Variants in TK2 observed in about 807,000 individuals in gnomAD.
TK2 encodes thymidine kinase 2.
Under a neutral mutation model 41.9 loss-of-function variants are expected in TK2, and 35 were observed. The observed-to-expected ratio is 0.84, with a 90% confidence interval of 0.64 to 1.11. The LOEUF is 1.11. Among genes scored for constraint, TK2 ranks in the 50% least tolerant of loss-of-function variants. The pLI, the probability that TK2 is intolerant of heterozygous loss-of-function variation, is 0.00. For missense variants in TK2, 320 were observed against 351.1 expected, an observed-to-expected ratio of 0.91 and a Z score of 0.71; for synonymous variants, 128 against 129.1, an observed-to-expected ratio of 0.99 and a Z score of 0.06.
At chr16:66,529,722 G>C (rs1965050161) in intron 5 of TK2, among the ~76,000 whole-genome samples, 1 of 152,150 alleles carries the variant, frequency 6.6e-6, no homozygotes, top group Non-Finnish European at 1.5e-5. Flanking sequence ...ACTCTCACTT[G>C]GCCATGGCCC....
intron 1 of TK2, 162 bp downstream of exon 1, chr16:66,549,776 C>CG: frequency 7.8e-7 from 1 of 1,280,580 alleles, no homozygotes; most frequent in Non-Finnish European, 9.8e-7. Context: ...GTCTCGCGCC[C>CG]GGGTAACGGC....
chr16:66,522,838 T>C (rs1206066625), intron 6 of TK2, among the ~76,000 whole-genome samples: 1 of 152,124 alleles, frequency 6.6e-6, no homozygotes, highest in East Asian at 1.9e-4. Context: ...CACTCCAGCC[T>C]GGGCAATAAC....
intron 6 of TK2, among the ~76,000 whole-genome samples, chr16:66,527,480 G>T (rs1199166684): frequency 6.6e-6 from 1 of 152,158 alleles, no homozygotes; most frequent in Non-Finnish European, 1.5e-5. Flanking sequence ...ACAGCCACAG[G>T]TCCCCTCATC....
At chr16:66,528,097 C>G (rs37176) in intron 6 of TK2, among the ~76,000 whole-genome samples, 104,995 of 152,094 alleles carry the variant, frequency 0.69, 37,602 homozygotes, top group African/African-American at 0.9. Context: ...ATCTAGACAG[C>G]GTGGTCGGGG....
chr16:66,534,007 C>CAAAAAA (rs11383723), intron 4 of TK2, among the ~76,000 whole-genome samples: 2 of 97,344 alleles, frequency 2.1e-5, no homozygotes, highest in East Asian at 3.0e-4. Context: ...GACTCTGTCT[C>CAAAAAA]AAAAAAAAAA....
At chr16:66,520,125 C>G (rs1421476759) in intron 6 of TK2, among the ~76,000 whole-genome samples, 1 of 152,162 alleles carries the variant, frequency 6.6e-6, no homozygotes, top group African/African-American at 2.4e-5. Flanking sequence ...GGCAGACCAA[C>G]CTGTGGGACG....
intron 4 of TK2, among the ~76,000 whole-genome samples, chr16:66,532,541 G>C (rs1965147303): frequency 6.6e-6 from 1 of 152,002 alleles, no homozygotes; most frequent in Non-Finnish European, 1.5e-5. Context: ...GGAGGCAGAG[G>C]CTGCAGTGGG....
intron 6 of TK2, among the ~76,000 whole-genome samples, chr16:66,526,787 C>T (rs1198734741): frequency 2.6e-5 from 4 of 152,194 alleles, no homozygotes; most frequent in African/African-American, 7.2e-5. Flanking sequence ...ACTGACCCCA[C>T]ACAGAACAGG....
Position 66,550,093 on chromosome 16 carries a change from T to A in TK2, c.-32A>T. ...GCGAGCGGATCCAGAGGCCCGGGGTTCCTTCTTGTGCGAGTCGGCGCGGAC... is the reference window on the plus strand; with the variant it reads ...GCGAGCGGATCCAGAGGCCCGGGGTACCTTCTTGTGCGAGTCGGCGCGGAC... On this transcript the variant is annotated 5_prime_UTR_variant, in exon 1 of 10. Transcript: ENST00000544898. 6.2e-7 allele frequency: 1 copy of A among 1,606,352 alleles called. No individual in the cohort carries two copies. The highest frequency in any genetic ancestry group is 1.3e-5 in the African/African-American group (1 of 75,010).
At chr16:66,535,100 A>C (rs1965234863) in intron 4 of TK2, among the ~76,000 whole-genome samples, 1 of 152,244 alleles carries the variant, frequency 6.6e-6, no homozygotes, top group Admixed American at 6.5e-5. Context: ...CATAAAGGCT[A>C]GGAGAAACAC....
intron 3 of TK2, among the ~76,000 whole-genome samples, chr16:66,540,112 A>G (rs1567538507): frequency 6.6e-6 from 1 of 151,784 alleles, no homozygotes; most frequent in African/African-American, 2.4e-5. Context: ...GACAAGGGCT[A>G]TATAATGTTT....
intron 8 of TK2, among the ~76,000 whole-genome samples, chr16:66,516,330 T>A (rs1231514148): frequency 4.6e-5 from 7 of 152,200 alleles, no homozygotes; most frequent in Non-Finnish European, 7.4e-5. Context: ...TGTTTGTGTG[T>A]GGCCACAACT....
In TK2 at chr16:66,550,016, A is replaced by G. The variant is rs755635315; in HGVS notation, c.46T>C (p.Cys16Arg). The change falls in exon 1 of 10, where the codon TGC (cysteine) becomes CGC (arginine). Residue 16 changes from cysteine (C) to arginine (R), a missense_variant. Coordinates refer to ENST00000544898, the MANE Select transcript of TK2 (RefSeq NM_004614.5). ...CTCCCGCGACTTCCCGGCCCAAAGCAGCGCAGCGCCCGGGCGGCCCAGCCC... is the reference window on the plus strand; with the variant it reads ...CTCCCGCGACTTCCCGGCCCAAAGCGGCGCAGCGCCCGGGCGGCCCAGCCC... Reference protein sequence around the residue: ...LRGWAARALRCFGPGSRGSPA... With the variant: ...LRGWAARALRRFGPGSRGSPA... The G allele has an allele frequency of 6.5e-7, 1 of 1,545,416 alleles. No individual in the cohort carries two copies. Among genetic ancestry groups the G allele is most frequent in the South Asian group, 1.2e-5 (1 of 83,930 alleles).
At chr16:66,523,023 G>C (rs1004684772) in intron 6 of TK2, among the ~76,000 whole-genome samples, 41 of 152,152 alleles carry the variant, frequency 2.7e-4, no homozygotes, top group African/African-American at 9.4e-4. Context: ...AGAAGAGGTG[G>C]GTCTTTTCCC....
chr16:66,549,703 T>C (rs1965724545), intron 1 of TK2: 1 of 1,259,464 alleles, frequency 7.9e-7, no homozygotes, highest in Non-Finnish European at 9.9e-7. Flanking sequence ...GTGTCCGTCC[T>C]GCTCTTTAAA....
At chr16:66,519,856 T>A (rs1964728927) in intron 6 of TK2, among the ~76,000 whole-genome samples, 1 of 152,022 alleles carries the variant, frequency 6.6e-6, no homozygotes, top group South Asian at 2.1e-4. Context: ...AGGGGCTGAC[T>A]CCAGTCCCAC....
chr16:66,512,845 C>T (rs1032599611), intron 9 of TK2, among the ~76,000 whole-genome samples: 7 of 152,184 alleles, frequency 4.6e-5, no homozygotes, highest in Admixed American at 1.3e-4. Context: ...TCACTGCCTG[C>T]AAGAGCCATA....
intron 3 of TK2, among the ~76,000 whole-genome samples, chr16:66,538,146 G>T (rs554984443): frequency 5.0e-4 from 76 of 152,224 alleles, no homozygotes; most frequent in African/African-American, 1.6e-3. Context: ...CTGGGTGACA[G>T]AGCAAGACTC....
At position 66,529,028 on chromosome 16, in the gene TK2, C is replaced by A. The variant is rs138479499; in HGVS notation, c.415G>T (p.Ala139Ser). 2.5e-6 allele frequency: 4 copies of A among 1,614,082 alleles called. No individual in the cohort carries two copies. The highest frequency in any genetic ancestry group is 3.3e-5 in the Admixed American group (2 of 60,028). ...VRLMERSIHS[A>S]RYIFVENLYR... The stretch of plus-strand genomic sequence containing the variant: ...AGGTTTTCTACAAAAATGTATCTTG[C>A]GCTGTGAATCGACCTCTCCATCAAC... Residue 139 changes from alanine to serine, a missense_variant, in exon 6 of 10, where the codon GCA (alanine) becomes TCA (serine). By Grantham distance (99) the Ala-to-Ser change is moderately conservative. Transcript: ENST00000544898.
Sources: gnomAD v4.1 joint callset for allele counts (sites outside exome capture counted in the v4.1 genomes callset) on GRCh38, gnomAD v4.1.1 for gene constraint, MANE v1.5 for transcripts, NCBI Gene and HGNC (gene_info 2026-07-23, HGNC 2026-07-21) for gene names.